CPT1A: variants seen among roughly 807,000 people sequenced by gnomAD.
CPT1A encodes the protein carnitine O-palmitoyltransferase 1, liver isoform.
A neutral mutation model predicts 100.8 loss-of-function variants in CPT1A; 64 were observed. That is an observed-to-expected ratio of 0.63 (90% CI 0.52 to 0.78). CPT1A has a LOEUF of 0.78. Ranked by LOEUF, CPT1A falls within the 30% of genes least tolerant of loss-of-function variation. The pLI is 0.00. For missense variants in CPT1A, 802 were observed against 1,034.1 expected, an observed-to-expected ratio of 0.78 and a Z score of 3.08; for synonymous variants, 363 against 396.0, an observed-to-expected ratio of 0.92 and a Z score of 0.99.
chr11:68,820,181 C>T (rs1228514918), intron 1 of CPT1A, among the ~76,000 whole-genome samples: 4 of 152,116 alleles, frequency 2.6e-5, no homozygotes, highest in Non-Finnish European at 5.9e-5. Context: ...TAGGCATGCA[C>T]CACCATGCTC....
At chr11:68,814,439 T>A (rs1341552531) in intron 2 of CPT1A, among the ~76,000 whole-genome samples, 1 of 151,958 alleles carries the variant, frequency 6.6e-6, no homozygotes, top group Non-Finnish European at 1.5e-5. Context: ...CCCGAGTAGC[T>A]GGGACTGCAG....
chr11:68,767,993 C>T (rs1219430789), intron 14 of CPT1A, among the ~76,000 whole-genome samples: 8 of 150,740 alleles, frequency 5.3e-5, no homozygotes, highest in Admixed American at 2.0e-4. Flanking sequence ...CTCCCAGGCA[C>T]GCATCTTTAA....
chr11:68,796,113 T>C (rs1274531029), intron 7 of CPT1A, among the ~76,000 whole-genome samples: 1 of 152,090 alleles, frequency 6.6e-6, no homozygotes, highest in East Asian at 1.9e-4. Context: ...CTACCGTCGA[T>C]GCACACCCCT....
intron 1 of CPT1A, among the ~76,000 whole-genome samples, chr11:68,840,973 G>T (rs1053169291): frequency 1.3e-4 from 20 of 152,192 alleles, no homozygotes; most frequent in Admixed American, 1.1e-3. Context: ...CACGGGAGAG[G>T]CTGCGGGGCG....
intron 9 of CPT1A, among the ~76,000 whole-genome samples, chr11:68,788,575 G>A (rs746161885): frequency 1.5e-5 from 2 of 134,028 alleles, no homozygotes; most frequent in Non-Finnish European, 3.1e-5. Flanking sequence ...CTCCAGCCTC[G>A]GCAACAGAGT....
At chr11:68,782,594 G>A (rs1027364102) in intron 10 of CPT1A, among the ~76,000 whole-genome samples, 1 of 152,140 alleles carries the variant, frequency 6.6e-6, no homozygotes, top group African/African-American at 2.4e-5. Context: ...CACAGAACTG[G>A]TGTGATGCCC....
At chr11:68,810,189 AAAG>A (rs1272735044) in intron 3 of CPT1A, among the ~76,000 whole-genome samples, 1 of 151,452 alleles carries the variant, frequency 6.6e-6, no homozygotes, top group Non-Finnish European at 1.5e-5. Context: ...AAAAGAAAAA[AAAG>A]AAGATATTCA....
At chr11:68,805,936 C>T (rs756793039) in intron 4 of CPT1A, among the ~76,000 whole-genome samples, 9 of 152,206 alleles carry the variant, frequency 5.9e-5, no homozygotes, top group Non-Finnish European at 1.3e-4. Flanking sequence ...ACAGGGGCCC[C>T]AGCCCCCCAG....
At chr11:68,771,999 C>T (rs1855001791) in intron 14 of CPT1A, among the ~76,000 whole-genome samples, 1 of 152,202 alleles carries the variant, frequency 6.6e-6, no homozygotes, top group African/African-American at 2.4e-5. Flanking sequence ...AACAATGGCA[C>T]AATCGTTACC....
intron 9 of CPT1A, among the ~76,000 whole-genome samples, chr11:68,793,047 C>T (rs1176972063): frequency 8.7e-5 from 2 of 23,090 alleles, no homozygotes; most frequent in Non-Finnish European, 7.7e-5. Flanking sequence ...GACCTCATGT[C>T]AAAATAAATA....
chr11:68,805,231 G>A (rs1382940472), intron 4 of CPT1A, among the ~76,000 whole-genome samples: 3 of 152,048 alleles, frequency 2.0e-5, no homozygotes, highest in African/African-American at 4.8e-5. Context: ...AGGGTGGATC[G>A]TTTGAGCCCA....
rs1199338195 is a variant in CPT1A, at chr11:68,785,973, A to G, written c.968-963T>C. 7.1e-6 allele frequency: 5 copies of G among 701,588 alleles called. No homozygotes were observed. In the South Asian group the frequency reaches 7.4e-5, roughly 10 times the overall value. The allele number at this position is 701,588 out of a possible 1,614,324, so 43.5% of individuals were successfully genotyped here. ...AAGTACGTTCACTCCACGAATATTT[A>G]TCAAGTCCTCTTAAGCACTGCTCAG... On this transcript the variant is annotated intron_variant, in intron 9 of 18. Transcript: ENST00000265641.
At chr11:68,799,175 T>C in intron 6 of CPT1A, 43 bp downstream of exon 6, 1 of 335,042 alleles carries the variant, frequency 3.0e-6, no homozygotes. Context: ...AGCGTCTTCA[T>C]ACGGAAAAAT....
intron 11 of CPT1A, 83 bp from the exon 12 acceptor site, chr11:68,780,828 G>A (rs1855290135): frequency 1.0e-6 from 1 of 1,002,146 alleles, no homozygotes; most frequent in African/African-American, 1.6e-5. Flanking sequence ...CTTCATCCTG[G>A]ATGGACTAAT....
chr11:68,797,278 TTAAAAA>T, intron 6 of CPT1A, among the ~76,000 whole-genome samples: 1 of 152,012 alleles, frequency 6.6e-6, no homozygotes, highest in South Asian at 2.1e-4. Flanking sequence ...TAGCCCTACA[TTAAAAA>T]TAAAAATAAT....
At chr11:68,762,524 G>A in intron 15 of CPT1A, 103 bp downstream of exon 15, 1 of 1,439,716 alleles carries the variant, frequency 6.9e-7, no homozygotes, top group Non-Finnish European at 9.7e-7. Flanking sequence ...TAAAGAAGAA[G>A]GTACAGGAAT....
chr11:68,814,766 A>T (rs1194191148), intron 2 of CPT1A, among the ~76,000 whole-genome samples: 1 of 152,034 alleles, frequency 6.6e-6, no homozygotes, highest in African/African-American at 2.4e-5. Context: ...GGCTCACTGC[A>T]GTCTCTGCCT....
At chr11:68,758,452 G>A (rs143023445) in intron 18 of CPT1A, among the ~76,000 whole-genome samples, 73 of 152,138 alleles carry the variant, frequency 4.8e-4, no homozygotes, top group Middle Eastern at 3.4e-3. Context: ...AGGAAGCCGG[G>A]GGTCCCCTGC....
At chr11:68,781,574 C>T (rs950694891) in intron 11 of CPT1A, among the ~76,000 whole-genome samples, 197 bp downstream of exon 11, 4 of 152,276 alleles carry the variant, frequency 2.6e-5, no homozygotes, top group Non-Finnish European at 5.9e-5. Flanking sequence ...GAGCCGAGAT[C>T]AAGCCACTGC....
Sources: gnomAD v4.1 joint callset for allele counts (sites outside exome capture counted in the v4.1 genomes callset) on GRCh38, gnomAD v4.1.1 for gene constraint, MANE v1.5 for transcripts, NCBI Gene and HGNC (gene_info 2026-07-23, HGNC 2026-07-21) for gene names.